GALNT9: variants seen among roughly 807,000 people sequenced by gnomAD.
GALNT9 encodes the protein polypeptide N-acetylgalactosaminyltransferase 9.
In GALNT9, 47 loss-of-function variants were observed where a neutral mutation model predicts 63.1. The ratio of observed to expected loss-of-function variants is 0.75; its 90% CI spans 0.59 to 0.95. The LOEUF is 0.95. Among genes scored for constraint, GALNT9 ranks in the 40% least tolerant of loss-of-function variants. GALNT9 has a pLI of 0.00. For missense variants in GALNT9, 829 were observed against 874.8 expected (o/e 0.95, Z 0.66); for synonymous variants, 396 against 365.7 (o/e 1.08, Z -0.94).
At chr12:132,240,801 T>A (rs73166880) in intron 6 of GALNT9, 1 of 407,202 alleles carries the variant, frequency 2.5e-6, no homozygotes, top group Admixed American at 2.7e-5. Context: ...TTTACACACA[T>A]GCCACACACC....
intron 7 of GALNT9, among the ~76,000 whole-genome samples, chr12:132,201,994 T>C (rs1193322157): frequency 6.6e-6 from 1 of 152,164 alleles, no homozygotes. Flanking sequence ...GCTCAGGCCT[T>C]GTGGGGAGGG....
intron 6 of GALNT9, among the ~76,000 whole-genome samples, chr12:132,212,209 A>G (rs1438951984): frequency 6.9e-6 from 1 of 144,150 alleles, no homozygotes; most frequent in Non-Finnish European, 1.5e-5. Flanking sequence ...CGACACGGAA[A>G]CCCCACCCGG....
At chr12:132,321,197 T>C (rs71439305) in intron 1 of GALNT9, among the ~76,000 whole-genome samples, 95,180 of 143,304 alleles carry the variant, frequency 0.66, 31,920 homozygotes, top group South Asian at 0.81. Flanking sequence ...AGGCCCCTGT[T>C]GGTCCAGAGT....
intron 1 of GALNT9, among the ~76,000 whole-genome samples, chr12:132,290,072 C>T (rs781963393): frequency 2.6e-5 from 4 of 152,204 alleles, no homozygotes; most frequent in Admixed American, 6.5e-5. Flanking sequence ...GCAGCACCCA[C>T]GTTCCTGGCC....
At position 132,257,853 on chromosome 12, in the gene GALNT9, G is replaced by T. The variant is rs782416488; in HGVS notation, c.795C>A (p.Asp265Glu). 1.6e-5 allele frequency: 25 copies of T among 1,548,320 alleles called. No homozygotes were observed. The highest frequency in any genetic ancestry group is 2.2e-5 in the Non-Finnish European group (25 of 1,146,442). ...AEPALSRIRE[D>E]RRRIVLPAID... The stretch of plus-strand genomic sequence containing the variant: ...TGGCTGGCAGCACGATGCGACGCCG[G>T]TCCTCTCGGATCCGCGACAGTGCGG... The change falls in exon 5 of 11, where the codon GAC becomes GAA. Residue 265 changes from aspartate (D) to glutamate (E), a missense_variant. Physicochemically the swap from Asp to Glu is conservative, Grantham distance 45. Transcript: ENST00000328957.
At position 132,246,802 on chromosome 12, in the gene GALNT9, A is replaced by G. The variant is rs1878720509; in HGVS notation, c.1077+1108T>C. On this transcript the variant is annotated intron_variant, in intron 6 of 10. Transcript: ENST00000328957. The surrounding 1 kb of genome is among the most constrained non-coding windows in gnomAD (Gnocchi z 4.7). ...CACCTCTGCCTCCCACAGTGTTGGGATTACAGGCGTGAGCCTCAGTGCCCG... is the reference window on the plus strand; with the variant it reads ...CACCTCTGCCTCCCACAGTGTTGGGGTTACAGGCGTGAGCCTCAGTGCCCG... Among the ~76,000 whole-genome samples, 2 of 152,216 alleles carry G rather than the reference A, an allele frequency of 1.3e-5. No homozygotes were observed. Among genetic ancestry groups the G allele is most frequent in the Non-Finnish European group, 2.9e-5 (2 of 68,044 alleles).
chr12:132,200,880 G>A (rs1219881404), intron 8 of GALNT9: 2 of 529,140 alleles, frequency 3.8e-6, no homozygotes, highest in Non-Finnish European at 6.8e-6. Context: ...GGGTCTGCAG[G>A]TGCGTGTGTT....
chr12:132,203,226 T>G (rs1188679572), intron 7 of GALNT9, among the ~76,000 whole-genome samples: 1 of 152,162 alleles, frequency 6.6e-6, no homozygotes, highest in Non-Finnish European at 1.5e-5. Flanking sequence ...CCCTGGCTTC[T>G]AACCACGGGG....
chr12:132,212,910 T>C (rs374418650), intron 6 of GALNT9, among the ~76,000 whole-genome samples: 275 of 24,484 alleles, frequency 0.011, no homozygotes, highest in Admixed American at 0.026. Context: ...GGTCTGCAGC[T>C]CTCAGACCGT....
At position 132,319,294 on chromosome 12, in the gene GALNT9, C is replaced by T. The variant is rs1347188661; in HGVS notation, c.238+9672G>A. On this transcript the variant is annotated intron_variant, in intron 1 of 10. Coordinates refer to ENST00000328957, the MANE Select transcript of GALNT9 (RefSeq NM_001122636.2). The surrounding 1 kb of genome is among the most constrained non-coding windows in gnomAD (Gnocchi z 5.2). Reference sequence around the variant, plus strand: ...GTGCAGACAGGGATCAGCCCCTTCTCGGAGGCCCGGCTGGAACAGAAAGGC... The same window carrying T: ...GTGCAGACAGGGATCAGCCCCTTCTTGGAGGCCCGGCTGGAACAGAAAGGC... Among the ~76,000 whole-genome samples the T allele has an allele frequency of 2.6e-5, 4 of 152,320 alleles. No homozygotes were observed. Among genetic ancestry groups the T allele is most frequent in the East Asian group, 1.9e-4 (1 of 5,182 alleles).
At chr12:132,230,567 T>C (rs1456845514) in intron 6 of GALNT9, among the ~76,000 whole-genome samples, 1 of 148,796 alleles carries the variant, frequency 6.7e-6, no homozygotes, top group African/African-American at 2.6e-5. Flanking sequence ...CCTGTTAATC[T>C]GTCCACTGCC....
intron 3 of GALNT9, 105 bp downstream of exon 3, chr12:132,262,354 T>G: frequency 7.2e-7 from 1 of 1,386,104 alleles, no homozygotes; most frequent in Non-Finnish European, 9.6e-7. Context: ...ACAGATGGGG[T>G]GCAGTCCTCT....
intron 2 of GALNT9, among the ~76,000 whole-genome samples, chr12:132,269,560 C>T (rs1201633006): frequency 3.3e-5 from 5 of 152,202 alleles, no homozygotes; most frequent in Admixed American, 1.3e-4. Context: ...GCAGGTGCTG[C>T]TCCGAGCAGG....
intron 1 of GALNT9, among the ~76,000 whole-genome samples, chr12:132,295,726 A>G (rs1193515296): frequency 1.3e-5 from 2 of 152,252 alleles, no homozygotes; most frequent in African/African-American, 4.8e-5. Context: ...GCCGGCCTCC[A>G]AACAGGGAGA....
intron 1 of GALNT9, among the ~76,000 whole-genome samples, chr12:132,292,302 T>G (rs60572658): frequency 0.022 from 3,274 of 152,150 alleles, 41 homozygotes; most frequent in Middle Eastern, 0.092. Flanking sequence ...GAGAGCCGCC[T>G]GAGGTGGGTG....
intron 1 of GALNT9, among the ~76,000 whole-genome samples, chr12:132,321,448 C>G (rs929563798): frequency 1.5e-4 from 23 of 152,190 alleles, no homozygotes; most frequent in African/African-American, 5.1e-4. Context: ...AAAACAGGCA[C>G]CCACAGTGTC....
intron 5 of GALNT9, among the ~76,000 whole-genome samples, chr12:132,250,766 G>A (rs1361614282): frequency 2.6e-5 from 4 of 151,924 alleles, no homozygotes; most frequent in South Asian, 2.1e-4. Context: ...ACTCCAGCCC[G>A]GGTGACAGAG....
chr12:132,244,857 T>G (rs73166885), intron 6 of GALNT9, among the ~76,000 whole-genome samples: 12,614 of 131,128 alleles, frequency 0.096, 1,051 homozygotes, highest in African/African-American at 0.16. Flanking sequence ...CAGGTGAGTC[T>G]CCTGTCCCTC....
At chr12:132,281,238 G>C (rs1389964833) in intron 2 of GALNT9, among the ~76,000 whole-genome samples, 7 of 152,360 alleles carry the variant, frequency 4.6e-5, no homozygotes, top group Middle Eastern at 3.4e-3. Context: ...GCTTGTGAGG[G>C]CTGTTGCACG....
Sources: gnomAD v4.1 joint callset for allele counts (sites outside exome capture counted in the v4.1 genomes callset) on GRCh38, gnomAD v4.1.1 for gene constraint, Gnocchi (gnomAD v3.1) non-coding constraint, MANE v1.5 for transcripts, NCBI Gene and HGNC (gene_info 2026-07-23, HGNC 2026-07-21) for gene names.